Variants in LAMC3 observed in about 807,000 individuals in gnomAD.
LAMC3 encodes laminin subunit gamma-3.
Under a neutral mutation model 173.8 loss-of-function variants are expected in LAMC3, and 128 were observed. The ratio of observed to expected loss-of-function variants is 0.74; its 90% CI spans 0.64 to 0.85. The LOEUF (loss-of-function observed/expected upper bound fraction) is 0.85. Ranked by LOEUF, LAMC3 falls within the 40% of genes least tolerant of loss-of-function variation. The probability of loss-of-function intolerance (pLI) is 0.00; values close to 1 mark genes in which losing one functional copy is unlikely to be tolerated. For missense variants in LAMC3, 2,022 were observed against 2,156.0 expected, an observed-to-expected ratio of 0.94 and a Z score of 1.23; for synonymous variants, 897 against 909.1, an observed-to-expected ratio of 0.99 and a Z score of 0.24.
At chr9:131,014,017 A>G (rs116044359) in intron 1 of LAMC3, among the ~76,000 whole-genome samples, 2,299 of 152,322 alleles carry the variant, frequency 0.015, 59 homozygotes, top group African/African-American at 0.053. Context: ...GCAGGGCAGG[A>G]GGTCAAGGCA....
At chr9:131,025,025 T>C (rs535754380) in intron 1 of LAMC3, among the ~76,000 whole-genome samples, 2 of 152,184 alleles carry the variant, frequency 1.3e-5, no homozygotes, top group South Asian at 2.1e-4. Context: ...TTTCAGGCAG[T>C]GGGGAAATTG....
At position 131,012,555 on chromosome 9, in the gene LAMC3, A is replaced by G. The variant is rs985537297; in HGVS notation, c.373+2968A>G. On this transcript the variant is annotated intron_variant, in intron 1 of 27. Transcript: ENST00000361069. ...CTGACGCTGGTCTCTGTTTACGCAC[A>G]AGGGGCGCCGGGGGCCCAGCGCAGC... 3.4e-4 allele frequency among the ~76,000 whole-genome samples: 52 copies of G among 152,218 alleles called. 1 individual carries two copies. The highest frequency in any genetic ancestry group is 1.9e-4 in the Non-Finnish European group (13 of 68,036).
At chr9:131,011,644 G>C (rs982329685) in intron 1 of LAMC3, among the ~76,000 whole-genome samples, 2 of 151,890 alleles carry the variant, frequency 1.3e-5, no homozygotes, top group African/African-American at 4.8e-5. Flanking sequence ...AATGGGACGA[G>C]GGGGAGGGGA....
At chr9:131,082,203 C>T (rs755331230) in intron 24 of LAMC3, 42 bp downstream of exon 24, 34 of 1,437,808 alleles carry the variant, frequency 2.4e-5, no homozygotes, top group Admixed American at 2.0e-4. Context: ...TAATGACGAA[C>T]GCCCCTGACA....
At chr9:131,038,733 A>C in intron 4 of LAMC3, 131 bp from the exon 5 acceptor site, 1 of 973,672 alleles carries the variant, frequency 1.0e-6, no homozygotes, top group South Asian at 1.3e-5. Flanking sequence ...CCTGAACTCC[A>C]TTCTGGACCA....
chr9:131,058,543 C>A (rs935338899), intron 12 of LAMC3, among the ~76,000 whole-genome samples: 9 of 152,118 alleles, frequency 5.9e-5, no homozygotes, highest in Non-Finnish European at 1.0e-4. Context: ...ACACCTGCTG[C>A]CTCCCCAGAG....
chr9:131,034,225 G>A (rs970572325), intron 3 of LAMC3, among the ~76,000 whole-genome samples: 1 of 152,208 alleles, frequency 6.6e-6, no homozygotes, highest in Non-Finnish European at 1.5e-5. Context: ...CCTTTCCTGG[G>A]TCAGTGGGCT....
chr9:131,058,473 G>A (rs1829736597), intron 12 of LAMC3, among the ~76,000 whole-genome samples: 1 of 152,066 alleles, frequency 6.6e-6, no homozygotes, highest in African/African-American at 2.4e-5. Flanking sequence ...TGGCCAGGAG[G>A]CACCTGAGAA....
Position 131,069,698 on chromosome 9 carries a change from G to A in LAMC3, c.2917G>A (p.Ala973Thr). ...RACRCSPLGAASAQCHENGTC... is the reference protein window; with the variant it reads ...RACRCSPLGATSAQCHENGTC... ...CTGCAGGTGCTCCCCACTGGGCGCT[G>A]CCTCGGCCCAGTGCCACGAGAACGG... The change falls in exon 17 of 28, where the codon GCC becomes ACC. Residue 973 changes from alanine to threonine, a missense_variant. Transcript: ENST00000361069. 1 of 1,600,574 alleles carries A rather than the reference G, an allele frequency of 6.2e-7. No homozygotes were observed. The highest frequency in any genetic ancestry group is 8.5e-7 in the Non-Finnish European group (1 of 1,175,294).
intron 22 of LAMC3, among the ~76,000 whole-genome samples, chr9:131,077,750 C>T (rs930009273): frequency 6.9e-6 from 1 of 143,994 alleles, no homozygotes; most frequent in Non-Finnish European, 1.5e-5. Context: ...GGGGCCCAGG[C>T]AGAGGCAGGT....
intron 27 of LAMC3, among the ~76,000 whole-genome samples, chr9:131,088,205 G>A (rs144228234): frequency 5.9e-5 from 9 of 152,282 alleles, no homozygotes; most frequent in African/African-American, 2.2e-4. Flanking sequence ...GGCAGAAAGT[G>A]TCATCAGGTG....
In LAMC3 at chr9:131,093,326, C is replaced by T. The variant is rs1047917643; in HGVS notation, c.*1539C>T. The T allele has an allele frequency of 6.6e-6, 1 of 152,256 alleles. No homozygotes were observed. The highest frequency in any genetic ancestry group is 6.6e-5 in the Admixed American group (1 of 15,260). The allele number at this position is 152,256 out of a possible 1,614,324, so 9.4% of individuals were successfully genotyped here. ...TTGGAGGGGTGGGGTGCGGAGAGGC[C>T]CTCAGCTGACCTCTGGTTCAGGCTC... On this transcript the variant is annotated 3_prime_UTR_variant, in exon 28 of 28. Transcript: ENST00000361069.
chr9:131,046,516 G>A (rs1399390982), intron 8 of LAMC3, among the ~76,000 whole-genome samples: 1 of 38,756 alleles, frequency 2.6e-5, no homozygotes, highest in Non-Finnish European at 5.5e-5. Flanking sequence ...GCTAATTTTT[G>A]TATTTTTTTT....
chr9:131,012,030 CTG>C (rs1406803243), intron 1 of LAMC3, among the ~76,000 whole-genome samples: 1 of 149,488 alleles, frequency 6.7e-6, no homozygotes, highest in Non-Finnish European at 1.5e-5. Flanking sequence ...AGCCTCCACA[CTG>C]TGAATGTAGA....
intron 13 of LAMC3, among the ~76,000 whole-genome samples, chr9:131,064,448 G>A (rs1829886821): frequency 6.7e-6 from 1 of 149,460 alleles, no homozygotes; most frequent in Non-Finnish European, 1.5e-5. Context: ...CAGATCACAA[G>A]GTCAGGAGAT....
At chr9:131,034,495 G>A (rs761936599) in intron 3 of LAMC3, among the ~76,000 whole-genome samples, 4 of 152,266 alleles carry the variant, frequency 2.6e-5, no homozygotes, top group Non-Finnish European at 4.4e-5. Context: ...AGCGTGGAAC[G>A]TGGCTTAAGG....
rs200029264 is a variant in LAMC3, at chr9:131,057,158, T to C, written c.2158+11T>C. ...GTGACCCCAACACAGGTGAGTCTCC[T>C]GGCACCCCATCCGAAGGCACCTGGG... On this transcript the variant is annotated intron_variant, in intron 12 of 27. Transcript: ENST00000361069. 6.2e-7 allele frequency: 1 copy of C among 1,611,464 alleles called. No individual in the cohort carries two copies. The highest frequency in any genetic ancestry group is 1.3e-5 in the African/African-American group (1 of 75,000).
Position 131,086,575 on chromosome 9 carries a change from C to CTTTTTT in LAMC3, c.4230+859_4230+864dup, listed in dbSNP as rs778812487. ...GGTGTGTGCCACTGTGCCTGGCTAA[C>CTTTTTT]TTTTTTTTTTTTGCAGAGATGAGGA... is the stretch of plus-strand genomic sequence containing the variant. On this transcript the variant is annotated intron_variant, in intron 25 of 27. Transcript: ENST00000361069. 7.6e-5 allele frequency among the ~76,000 whole-genome samples: 7 copies of CTTTTTT among 92,478 alleles called. 1 individual carries two copies. Among genetic ancestry groups the CTTTTTT allele is most frequent in the South Asian group, 3.8e-4 (1 of 2,598 alleles). The allele number at this position is 92,478 out of a possible 152,430, so 60.7% of individuals were successfully genotyped here.
chr9:131,066,601 AT>A (rs1224971891), intron 13 of LAMC3, among the ~76,000 whole-genome samples: 3 of 152,098 alleles, frequency 2.0e-5, no homozygotes, highest in African/African-American at 7.2e-5. Context: ...GACGATGATG[AT>A]GAGGGTGTGA....
Sources: gnomAD v4.1 joint callset for allele counts (sites outside exome capture counted in the v4.1 genomes callset) on GRCh38, gnomAD v4.1.1 for gene constraint, MANE v1.5 for transcripts, NCBI Gene and HGNC (gene_info 2026-07-23, HGNC 2026-07-21) for gene names.